The following MN1 variants were observed in gnomAD, a reference collection of about 807,000 sequenced individuals.
MN1 encodes MN1 proto-oncogene, transcriptional regulator, also known as transcriptional activator MN1.
A neutral mutation model predicts 86.9 loss-of-function variants in MN1; 19 were observed. That is an observed-to-expected ratio of 0.22 (90% confidence interval 0.15 to 0.32). The LOEUF is 0.32. MN1 is among the 10% of genes least tolerant of loss of function. The pLI, the probability that MN1 is intolerant of heterozygous loss-of-function variation, is 1.00. For missense variants in MN1, 1,841 were observed against 1,862.0 expected, an observed-to-expected ratio of 0.99 and a Z score of 0.21; for synonymous variants, 928 against 849.6, an observed-to-expected ratio of 1.09 and a Z score of -1.60.
chr22:27,762,371 G>A (rs1196161709), intron 1 of MN1, among the ~76,000 whole-genome samples: 1 of 152,186 alleles, frequency 6.6e-6, no homozygotes, highest in East Asian at 1.9e-4. Flanking sequence ...TAGGAGGGAA[G>A]GCCTGGGGGC....
At chr22:27,790,273 G>A (rs993896124) in intron 1 of MN1, among the ~76,000 whole-genome samples, 1 of 152,240 alleles carries the variant, frequency 6.6e-6, no homozygotes, top group African/African-American at 2.4e-5. Context: ...AAGTTTGGAG[G>A]TTTTGCCCCC....
chr22:27,795,073 A>G (rs1318473688), intron 1 of MN1, among the ~76,000 whole-genome samples: 1 of 151,792 alleles, frequency 6.6e-6, no homozygotes, highest in African/African-American at 2.4e-5. Flanking sequence ...AGGGGGGGAA[A>G]AAAGGGAGAA....
At position 27,748,522 on chromosome 22, in the gene MN1, T is replaced by C. The variant is rs1568967969; in HGVS notation, c.*2393A>G. The C allele has an allele frequency of 4.9e-6, 1 of 202,484 alleles. No individual in the cohort carries two copies. Among genetic ancestry groups the C allele is most frequent in the African/African-American group, 2.3e-5 (1 of 43,646 alleles). 12.5% of individuals were successfully genotyped at this position (202,484 alleles called of 1,614,324 possible). On this transcript the variant is annotated 3_prime_UTR_variant, in exon 2 of 2. Transcript: ENST00000302326. The stretch of plus-strand genomic sequence containing the variant: ...CACACAGCAGAGTTAAGTTTTCATA[T>C]TTTACATGTGCAATAACATTTTCGT...
intron 1 of MN1, among the ~76,000 whole-genome samples, chr22:27,751,702 T>C (rs1462657507): frequency 6.6e-6 from 1 of 152,110 alleles, no homozygotes; most frequent in Admixed American, 6.5e-5. Flanking sequence ...GAAGATGACT[T>C]GCCCCGAGTC....
Position 27,798,507 on chromosome 22 carries a change from A to C in MN1, c.2037T>G (p.Pro679=). 1.9e-6 allele frequency: 3 copies of C among 1,540,418 alleles called. No homozygotes were observed. Among genetic ancestry groups the C allele is most frequent in the Non-Finnish European group, 1.7e-6 (2 of 1,154,500 alleles). The change falls in exon 1 of 2, where the codon CCT becomes CCG. Residue 679 remains proline (P), a synonymous_variant. Transcript: ENST00000302326. ...CGGGCATCCTCATCGGCTCCTGCAG[A>C]GGGCCCCGGAACAGCACCCCCGAGC... ...PGGSGVLFRG[P]LQEPMRMPGE...
chr22:27,763,898 A>G (rs1161535889), intron 1 of MN1, among the ~76,000 whole-genome samples: 2 of 152,218 alleles, frequency 1.3e-5, no homozygotes, highest in Non-Finnish European at 2.9e-5. Flanking sequence ...GGATCCTGGA[A>G]GACTTCACAG....
rs148123422 is a variant in MN1 at position 27,754,826 on chromosome 22, C to T, written c.3782-3730G>A. Among the ~76,000 whole-genome samples the T allele has an allele frequency of 4.7e-3, 716 of 152,266 alleles. 2 individuals are homozygous for T. Among genetic ancestry groups the T allele is most frequent in the African/African-American group, 0.016 (683 of 41,566 alleles). On this transcript the variant is annotated intron_variant, in intron 1 of 1. Coordinates refer to ENST00000302326, the MANE Select transcript of MN1 (RefSeq NM_002430.3). The stretch of plus-strand genomic sequence containing the variant: ...CCCCTTGCCAAGCTCCCAGGGTTGG[C>T]GGAGATCATGGAGTCACTCAGCGCC...
At position 27,799,871 on chromosome 22, in the gene MN1, G is replaced by T. The variant is rs757402494; in HGVS notation, c.673C>A (p.Gln225Lys). Residue 225 changes from glutamine (Q) to lysine (K), a missense_variant, in exon 1 of 2, where the codon CAA becomes AAA. Gln to Lys is a moderately conservative substitution (Grantham distance 53). Transcript: ENST00000302326. The part of the protein sequence containing the change: ...HSLEPRRVTN[Q>K]GAVDSLEYNY... ...TATTCCAGCGAGTCGACGGCTCCTT[G>T]GTTCGTCACCCTCCGTGGCTCCAGA... is the stretch of plus-strand genomic sequence containing the variant. 6.9e-6 allele frequency: 11 copies of T among 1,603,024 alleles called. No individual in the cohort carries two copies. Among genetic ancestry groups the T allele is most frequent in the Non-Finnish European group, 8.5e-7 (1 of 1,175,954 alleles).
At chr22:27,761,097 T>C (rs933024042) in intron 1 of MN1, among the ~76,000 whole-genome samples, 3 of 152,106 alleles carry the variant, frequency 2.0e-5, no homozygotes, top group Non-Finnish European at 4.4e-5. Flanking sequence ...CAAAGTTGCA[T>C]GAAAAAGGGA....
At chr22:27,795,001 G>A (rs1469144655) in intron 1 of MN1, among the ~76,000 whole-genome samples, 1 of 141,296 alleles carries the variant, frequency 7.1e-6, no homozygotes, top group Non-Finnish European at 1.5e-5. Context: ...GAGATGTCGT[G>A]TACAAGAAAA....
chr22:27,795,518 G>T (rs959417204), intron 1 of MN1, among the ~76,000 whole-genome samples: 4 of 152,074 alleles, frequency 2.6e-5, no homozygotes, highest in African/African-American at 7.2e-5. Context: ...TTGCACTGGG[G>T]GGGGACACAT....
At chr22:27,755,006 T>C (rs1311827921) in intron 1 of MN1, among the ~76,000 whole-genome samples, 5 of 152,116 alleles carry the variant, frequency 3.3e-5, no homozygotes, top group Non-Finnish European at 5.9e-5. Context: ...TTGGGTCCAG[T>C]GTACTGACTG....
Position 27,796,713 on chromosome 22 carries a change from G to A in MN1, c.3781+50C>T, listed in dbSNP as rs550087537. 3.3e-6 allele frequency: 5 copies of A among 1,524,834 alleles called. No homozygotes were observed. In the East Asian group the frequency reaches 9.1e-5, roughly 28 times the overall value. The allele number at this position is 1,524,834 out of a possible 1,614,324, so 94.5% of individuals were successfully genotyped here. A position where few individuals can be genotyped will look rare whatever the true frequency, so the allele number is the denominator to read the frequency against. On this transcript the variant is annotated intron_variant, in intron 1 of 1. Coordinates refer to ENST00000302326, the MANE Select transcript of MN1 (RefSeq NM_002430.3). ...AGGCGAAGGCTAAGTCCTGCCCTGG[G>A]GATGGGGCGGGTCACCCGGGAAGTG... is the stretch of plus-strand genomic sequence containing the variant.
In MN1 at chr22:27,797,527, G is replaced by A. The variant is rs761099998; in HGVS notation, c.3017C>T (p.Thr1006Met). The change falls in exon 1 of 2, where the codon ACG becomes ATG. Residue 1006 changes from threonine (T) to methionine (M), a missense_variant. By Grantham distance (81) the Thr-to-Met change is moderately conservative. Coordinates refer to ENST00000302326, the MANE Select transcript of MN1 (RefSeq NM_002430.3). ...GAPTPHEKAL[T>M]SPSWGKGAEL... ...AGCCCCCTTCCCCCAGGATGGCGACGTGAGCGCCTTTTCGTGGGGCGTCGG... is the reference window on the plus strand; with the variant it reads ...AGCCCCCTTCCCCCAGGATGGCGACATGAGCGCCTTTTCGTGGGGCGTCGG... The A allele has an allele frequency of 1.9e-6, 3 of 1,608,266 alleles. No individual in the cohort carries two copies. The highest frequency in any genetic ancestry group is 1.3e-5 in the African/African-American group (1 of 74,986).
Position 27,800,392 on chromosome 22 carries a change from G to A in MN1, c.152C>T (p.Ala51Val), listed in dbSNP as rs748800962. ...CGGGGGTTCGCCCAGCGCGCTCATA[G>A]CAGGATCCACAGGGCCAGGGGGCCC... Reference protein sequence around the residue: ...TGGPPGPVDPAMSALGEPPIL... With the variant: ...TGGPPGPVDPVMSALGEPPIL... Residue 51 changes from alanine (A) to valine (V), a missense_variant, in exon 1 of 2, where the codon GCT (alanine) becomes GTT (valine). By Grantham distance (64) the Ala-to-Val change is moderately conservative. Transcript: ENST00000302326. The A allele has an allele frequency of 1.1e-5, 18 of 1,613,700 alleles. No individual in the cohort carries two copies. In the South Asian group the frequency reaches 1.6e-4, roughly 15 times the overall value.
chr22:27,790,787 T>C (rs28566624), intron 1 of MN1, among the ~76,000 whole-genome samples: 27,131 of 152,024 alleles, frequency 0.18, 2,851 homozygotes, highest in South Asian at 0.29. Flanking sequence ...CACCTCCACG[T>C]ACGCTCACGC....
rs530493070 is a variant in MN1, at chr22:27,752,999, T to C, written c.3782-1903A>G. On this transcript the variant is annotated intron_variant, in intron 1 of 1. Transcript: ENST00000302326. The stretch of plus-strand genomic sequence containing the variant: ...GCTGAGCCACAGCCTGCAGAGAAAA[T>C]CCTCCCAGAGGGATGGGCCCAGGCA... Among the ~76,000 whole-genome samples, 49 of 151,916 alleles carry C rather than the reference T, an allele frequency of 3.2e-4. No individual in the cohort carries two copies. In the South Asian group the frequency reaches 9.1e-3, roughly 28 times the overall value.
At chr22:27,796,174 A>C (rs1042093762) in intron 1 of MN1, among the ~76,000 whole-genome samples, 3 of 152,174 alleles carry the variant, frequency 2.0e-5, no homozygotes, top group Non-Finnish European at 4.4e-5. Flanking sequence ...AAGAAGAGAC[A>C]AAATAGCTAT....
At chr22:27,796,668 A>G in intron 1 of MN1, 95 bp downstream of exon 1, 1 of 1,332,928 alleles carries the variant, frequency 7.5e-7, no homozygotes, top group South Asian at 1.4e-5. Flanking sequence ...TGTGCCCTCC[A>G]AACCTCAAAG....
Sources: gnomAD v4.1 joint callset for allele counts (sites outside exome capture counted in the v4.1 genomes callset) on GRCh38, gnomAD v4.1.1 for gene constraint, MANE v1.5 for transcripts, NCBI Gene and HGNC (gene_info 2026-07-23, HGNC 2026-07-21) for gene names.